CNN3: variants seen among roughly 807,000 people sequenced by gnomAD.
CNN3 encodes the protein calponin-3.
A neutral mutation model predicts 39.0 loss-of-function variants in CNN3; 11 were observed. That is an observed-to-expected ratio of 0.28 (90% CI 0.18 to 0.47). The LOEUF (loss-of-function observed/expected upper bound fraction) is 0.47, where lower values mean the gene tolerates loss of function less well. CNN3 is among the 20% of genes least tolerant of loss of function. The probability of loss-of-function intolerance (pLI) is 0.99; values close to 1 mark genes in which losing one functional copy is unlikely to be tolerated. For missense variants in CNN3, 266 were observed against 403.4 expected (o/e 0.66, Z 2.92); for synonymous variants, 101 against 138.3 (o/e 0.73, Z 1.89).
At chr1:94,905,489 TGA>T (rs1203715879) in intron 1 of CNN3, among the ~76,000 whole-genome samples, 2 of 152,154 alleles carry the variant, frequency 1.3e-5, no homozygotes, top group African/African-American at 4.8e-5. Flanking sequence ...CTGCTTTGAC[TGA>T]GAGAGGGCAA....
chr1:94,912,265 G>C (rs1461899107), intron 1 of CNN3, among the ~76,000 whole-genome samples: 1 of 152,078 alleles, frequency 6.6e-6, no homozygotes, highest in Non-Finnish European at 1.5e-5. Context: ...TCTAAACAAG[G>C]AGCGAACAAG....
intron 5 of CNN3, among the ~76,000 whole-genome samples, chr1:94,900,978 G>A (rs533468891): frequency 9.4e-4 from 143 of 152,162 alleles, no homozygotes; most frequent in Non-Finnish European, 1.5e-3. Context: ...TCAGCACTTC[G>A]GGAGGCCAAG....
At chr1:94,914,872 T>C (rs1297551729) in intron 1 of CNN3, among the ~76,000 whole-genome samples, 1 of 152,116 alleles carries the variant, frequency 6.6e-6, no homozygotes, top group Non-Finnish European at 1.5e-5. Context: ...CAAAGTAGGA[T>C]AGAATTTCCC....
intron 1 of CNN3, among the ~76,000 whole-genome samples, chr1:94,923,982 A>G (rs1671513647): frequency 6.6e-6 from 1 of 152,168 alleles, no homozygotes; most frequent in South Asian, 2.1e-4. Context: ...ACTAGAACTC[A>G]CATATGCTAG....
chr1:94,917,850 A>C (rs1477862178), intron 1 of CNN3, among the ~76,000 whole-genome samples: 1 of 152,218 alleles, frequency 6.6e-6, no homozygotes, highest in African/African-American at 2.4e-5. Flanking sequence ...TCTCATAAGC[A>C]AGGAAGATGG....
At chr1:94,912,521 G>A (rs765625031) in intron 1 of CNN3, among the ~76,000 whole-genome samples, 4 of 152,164 alleles carry the variant, frequency 2.6e-5, no homozygotes, top group Non-Finnish European at 5.9e-5. Flanking sequence ...TCAGGGAGAA[G>A]GGCAGCCATC....
Position 94,902,185 on chromosome 1 carries a change from T to C in CNN3, c.320A>G (p.Asn107Ser). 6.2e-7 allele frequency: 1 copy of C among 1,613,668 alleles called. No homozygotes were observed. ...CATGTTTCCATTCTCAAAAAGATCATTTGCTTCGAATATGTCATGTGGCTT... is the reference window on the plus strand; with the variant it reads ...CATGTTTCCATTCTCAAAAAGATCACTTGCTTCGAATATGTCATGTGGCTT... ...GMKPHDIFEA[N>S]DLFENGNMTQ... Residue 107 changes from asparagine to serine, a missense_variant, in exon 4 of 7, where the codon AAT (asparagine) becomes AGT (serine). Asn to Ser is a conservative substitution (Grantham distance 46). Transcript: ENST00000370206.
In CNN3 at chr1:94,902,215, C is replaced by A; in HGVS notation, c.290G>T (p.Gly97Val). The change falls in exon 4 of 7, where the codon GGT becomes GTT. Residue 97 changes from glycine (G) to valine (V), a missense_variant. Coordinates refer to ENST00000370206, the MANE Select transcript of CNN3 (RefSeq NM_001839.5). ...TTCGAATATGTCATGTGGCTTCATACCATAAGCCTGAATAGCTTTAATAAA... is the reference window on the plus strand; with the variant it reads ...TTCGAATATGTCATGTGGCTTCATAACATAAGCCTGAATAGCTTTAATAAA... Reference protein sequence around the residue: ...GNFIKAIQAYGMKPHDIFEAN... With the variant: ...GNFIKAIQAYVMKPHDIFEAN... 6.2e-7 allele frequency: 1 copy of A among 1,612,690 alleles called. No homozygotes were observed. Among genetic ancestry groups the A allele is most frequent in the Non-Finnish European group, 8.5e-7 (1 of 1,178,720 alleles).
At position 94,905,244 on chromosome 1, in the gene CNN3, A is replaced by G. The variant is rs536229835; in HGVS notation, c.58-1720T>C. 1.2e-4 allele frequency among the ~76,000 whole-genome samples: 18 copies of G among 152,318 alleles called. No individual in the cohort carries two copies. In the South Asian group the frequency reaches 3.7e-3, roughly 32 times the overall value. On this transcript the variant is annotated intron_variant, in intron 1 of 6. Transcript: ENST00000370206. ...AAAACAGATTCAAAGCGTACACTTG[A>G]TCACAGTTCCTTTTTGTGTCCATCA...
intron 1 of CNN3, among the ~76,000 whole-genome samples, chr1:94,913,421 T>C (rs182249027): frequency 3.3e-5 from 5 of 152,318 alleles, no homozygotes; most frequent in Admixed American, 6.5e-5. Context: ...CAGAGTTACC[T>C]TGTCTACCTG....
chr1:94,899,202 T>C (rs1670799517), intron 6 of CNN3, among the ~76,000 whole-genome samples, 169 bp downstream of exon 6: 1 of 152,176 alleles, frequency 6.6e-6, no homozygotes, highest in Non-Finnish European at 1.5e-5. Context: ...ACATCATGCT[T>C]TTGCTGCTAT....
chr1:94,911,387 C>T (rs1671160392), intron 1 of CNN3, among the ~76,000 whole-genome samples: 1 of 152,194 alleles, frequency 6.6e-6, no homozygotes, highest in African/African-American at 2.4e-5. Context: ...ATGGCACCAA[C>T]CAGCACAAAT....
chr1:94,918,417 C>A (rs1671344522), intron 1 of CNN3, among the ~76,000 whole-genome samples: 2 of 149,472 alleles, frequency 1.3e-5, no homozygotes, highest in Non-Finnish European at 3.0e-5. Context: ...TCACTCGAAC[C>A]CGAGAGGCAG....
At position 94,926,845 on chromosome 1, in the gene CNN3, T is replaced by C; in HGVS notation, c.50A>G (p.Lys17Arg). The C allele has an allele frequency of 3.1e-6, 5 of 1,610,986 alleles. No individual in the cohort carries two copies. The highest frequency in any genetic ancestry group is 1.3e-5 in the African/African-American group (1 of 74,398). Residue 17 changes from lysine to arginine, a missense_variant, in exon 1 of 7, where the codon AAG (lysine) becomes AGG (arginine). Transcript: ENST00000370206. The surrounding 1 kb of genome is among the most constrained non-coding windows in gnomAD (Gnocchi z 4.2). ...GPSYGLSAEV[K>R]NKIASKYDHQ... is the part of the protein sequence containing the mutation. ...CGCCCGAGCCAGGCGTACCTTGTTC[T>C]TGACTTCGGCCGAGAGCCCATAGGA... is the stretch of plus-strand genomic sequence containing the variant.
chr1:94,913,127 G>A (rs996674529), intron 1 of CNN3, among the ~76,000 whole-genome samples: 40 of 152,128 alleles, frequency 2.6e-4, no homozygotes, highest in African/African-American at 9.4e-4. Flanking sequence ...GTCAAATCCT[G>A]CCCCAAAGTT....
chr1:94,922,886 A>G (rs1671482498), intron 1 of CNN3, among the ~76,000 whole-genome samples: 1 of 152,210 alleles, frequency 6.6e-6, no homozygotes, highest in Admixed American at 6.5e-5. Flanking sequence ...AATCAAGAAG[A>G]TCCCGTGGGA....
intron 1 of CNN3, among the ~76,000 whole-genome samples, chr1:94,919,514 C>A (rs1571534838): frequency 6.6e-6 from 1 of 152,202 alleles, no homozygotes; most frequent in Middle Eastern, 3.4e-3. Context: ...AAAAGGAGAC[C>A]AGGAAATTGT....
intron 1 of CNN3, among the ~76,000 whole-genome samples, chr1:94,904,270 A>G (rs1253308936): frequency 6.6e-6 from 1 of 152,260 alleles, no homozygotes; most frequent in African/African-American, 2.4e-5. Flanking sequence ...CTATGCTATT[A>G]TACATGGTAA....
intron 1 of CNN3, among the ~76,000 whole-genome samples, chr1:94,917,032 TTTTG>T (rs918483993): frequency 1.4e-4 from 21 of 152,110 alleles, no homozygotes; most frequent in African/African-American, 2.9e-4. Flanking sequence ...TTCCTGGATT[TTTTG>T]TTTGTTTGTT....
Sources: gnomAD v4.1 joint callset for allele counts (sites outside exome capture counted in the v4.1 genomes callset) on GRCh38, gnomAD v4.1.1 for gene constraint, Gnocchi (gnomAD v3.1) non-coding constraint, MANE v1.5 for transcripts, NCBI Gene and HGNC (gene_info 2026-07-23, HGNC 2026-07-21) for gene names.